MROH9: variants seen among roughly 807,000 people sequenced by gnomAD.
MROH9 encodes maestro heat-like repeat-containing protein family member 9.
MROH9 carries 92 observed loss-of-function variants against 98.2 expected under a neutral mutation model. The observed-to-expected ratio is 0.94, with a 90% CI of 0.79 to 1.11. The LOEUF (loss-of-function observed/expected upper bound fraction) is 1.11. Among genes scored for constraint, MROH9 ranks in the 50% most tolerant of loss-of-function variants. The pLI, the probability that MROH9 is intolerant of heterozygous loss-of-function variation, is 0.00. For synonymous variants in MROH9, 397 were observed against 368.9 expected, an observed-to-expected ratio of 1.08 and a Z score of -0.87; for missense variants, 1,057 against 1,014.8, an observed-to-expected ratio of 1.04 and a Z score of -0.57.
Position 171,045,154 on chromosome 1 carries a change from C to T in MROH9, c.2282-16978C>T, listed in dbSNP as rs187635059. 1.7e-4 allele frequency among the ~76,000 whole-genome samples: 26 copies of T among 151,236 alleles called. No homozygotes were observed. In the East Asian group the frequency reaches 4.9e-3, roughly 28 times the overall value. On this transcript the variant is annotated intron_variant, in intron 20 of 21. Coordinates refer to ENST00000367759, the MANE Select transcript of MROH9 (RefSeq NM_001163629.2). The stretch of plus-strand genomic sequence containing the variant: ...TAGCTGGGACTACAGGCGCCCGCCA[C>T]CACGCCCGGTTAATTTTTTCTATTT...
intron 14 of MROH9, among the ~76,000 whole-genome samples, chr1:170,997,931 G>A (rs1000925455): frequency 6.6e-6 from 1 of 152,124 alleles, no homozygotes; most frequent in Non-Finnish European, 1.5e-5. Context: ...GGGAGAGACA[G>A]GAAAGAGAAG....
intron 16 of MROH9, chr1:171,015,052 C>G: frequency 4.2e-6 from 2 of 471,822 alleles, no homozygotes; most frequent in South Asian, 3.1e-5. Flanking sequence ...TAATTCTACA[C>G]TCCAAAGTAT....
intron 8 of MROH9, among the ~76,000 whole-genome samples, chr1:170,977,143 T>C (rs1201837038): frequency 6.6e-6 from 1 of 152,226 alleles, no homozygotes; most frequent in Non-Finnish European, 1.5e-5. Context: ...TGTATCATTT[T>C]ATTGTGAGTC....
intron 9 of MROH9, among the ~76,000 whole-genome samples, chr1:170,983,947 T>C (rs1651028604): frequency 3.3e-5 from 5 of 152,246 alleles, no homozygotes; most frequent in Admixed American, 3.3e-4. Context: ...ATTTTGATTT[T>C]GTTTAAAAGC....
rs193092718 is a variant in MROH9, at chr1:170,947,504, C to T, written c.26-23C>T. 524 of 1,604,600 alleles carry T rather than the reference C, an allele frequency of 3.3e-4. 5 individuals are homozygous for T. The East Asian group carries it at 0.011, about 33-fold the overall frequency. On this transcript the variant is annotated intron_variant, in intron 2 of 21. Transcript: ENST00000367759. Reference sequence around the variant, plus strand: ...GGAGTCTATGTTCATTCCTTTTTAACGAATCTCCTTCTTTCTGGCTAGAGA... The same window carrying T: ...GGAGTCTATGTTCATTCCTTTTTAATGAATCTCCTTCTTTCTGGCTAGAGA...
intron 15 of MROH9, among the ~76,000 whole-genome samples, chr1:171,009,170 G>C (rs570863363): frequency 1.3e-5 from 2 of 152,010 alleles, no homozygotes; most frequent in East Asian, 1.9e-4. Flanking sequence ...ATGGAAATGA[G>C]ACTCTCAAAG....
chr1:171,015,592 T>C (rs1464160098), intron 16 of MROH9, among the ~76,000 whole-genome samples: 2 of 151,958 alleles, frequency 1.3e-5, no homozygotes, highest in Admixed American at 6.6e-5. Context: ...TCTATTCTGT[T>C]TGGTTCTGAT....
intron 3 of MROH9, among the ~76,000 whole-genome samples, chr1:170,950,574 T>C (rs927377399): frequency 1.3e-5 from 2 of 152,094 alleles, no homozygotes; most frequent in African/African-American, 2.4e-5. Flanking sequence ...CAGTAACAAC[T>C]GTAGATTCTG....
intron 8 of MROH9, among the ~76,000 whole-genome samples, chr1:170,978,284 G>C (rs567666848): frequency 6.6e-6 from 1 of 152,228 alleles, no homozygotes; most frequent in African/African-American, 2.4e-5. Flanking sequence ...ATAAGCTCAG[G>C]TGTAGCCCTC....
At chr1:171,034,326 G>A (rs767410700) in intron 20 of MROH9, among the ~76,000 whole-genome samples, 34 of 152,072 alleles carry the variant, frequency 2.2e-4, no homozygotes, top group Non-Finnish European at 4.9e-4. Context: ...ATTAGAGGAT[G>A]GAATTCATCT....
chr1:170,947,132 C>T (rs1400673934), intron 2 of MROH9, among the ~76,000 whole-genome samples: 1 of 151,706 alleles, frequency 6.6e-6, no homozygotes, highest in East Asian at 1.9e-4. Flanking sequence ...AACTACATAG[C>T]CATTTTATTT....
chr1:170,971,044 T>C (rs1194222057), intron 7 of MROH9, among the ~76,000 whole-genome samples: 1 of 152,212 alleles, frequency 6.6e-6, no homozygotes, highest in African/African-American at 2.4e-5. Context: ...AAGGCCCTCA[T>C]ACTTTCATAA....
chr1:170,950,394 A>G (rs1377477175), intron 3 of MROH9, among the ~76,000 whole-genome samples: 29 of 152,104 alleles, frequency 1.9e-4, no homozygotes, highest in Admixed American at 1.8e-3. Flanking sequence ...AGGGAAAGAC[A>G]GGGCAAGGGA....
intron 8 of MROH9, among the ~76,000 whole-genome samples, chr1:170,973,074 G>T (rs1369508687): frequency 6.6e-6 from 1 of 151,376 alleles, no homozygotes; most frequent in Non-Finnish European, 1.5e-5. Context: ...GGGTTGAAAG[G>T]CCAGGGTACC....
At chr1:170,973,450 A>T (rs1418459272) in intron 8 of MROH9, among the ~76,000 whole-genome samples, 1 of 152,174 alleles carries the variant, frequency 6.6e-6, no homozygotes, top group Non-Finnish European at 1.5e-5. Context: ...TTAAAACAAG[A>T]TCTAAAAGTA....
chr1:170,970,147 A>G lies in MROH9; in HGVS notation c.481-1601A>G, dbSNP rs1420801378. 2.6e-5 allele frequency among the ~76,000 whole-genome samples: 4 copies of G among 152,190 alleles called. No homozygotes were observed. In the East Asian group the frequency reaches 7.7e-4, roughly 29 times the overall value. On this transcript the variant is annotated intron_variant, in intron 7 of 21. Coordinates refer to ENST00000367759, the MANE Select transcript of MROH9 (RefSeq NM_001163629.2). ...ACCACTAGGAGCTTCATTTACAAAA[A>G]CATCTACTAAGAACTACACATCTAA...
intron 21 of MROH9, 50 bp downstream of exon 21, chr1:171,062,244 T>C: frequency 7.7e-7 from 1 of 1,296,368 alleles, no homozygotes; most frequent in Non-Finnish European, 1.1e-6. Flanking sequence ...CTAAATACAT[T>C]TACTATTTTT....
chr1:171,001,208 C>A (rs1208394536), intron 15 of MROH9, among the ~76,000 whole-genome samples: 1 of 151,576 alleles, frequency 6.6e-6, no homozygotes, highest in African/African-American at 2.4e-5. Context: ...TTTCATTTAC[C>A]TTTTGTACTT....
intron 3 of MROH9, among the ~76,000 whole-genome samples, chr1:170,952,175 T>G (rs937781044): frequency 6.6e-6 from 1 of 151,890 alleles, no homozygotes; most frequent in African/African-American, 2.4e-5. Context: ...GTTCAACCAT[T>G]GTGGAAGTCA....
Sources: gnomAD v4.1 joint callset for allele counts (sites outside exome capture counted in the v4.1 genomes callset) on GRCh38, gnomAD v4.1.1 for gene constraint, MANE v1.5 for transcripts, NCBI Gene and HGNC (gene_info 2026-07-23, HGNC 2026-07-21) for gene names.